NDE1: variants seen among roughly 807,000 people sequenced by gnomAD.
NDE1 encodes nudE neurodevelopment protein 1.
A neutral mutation model predicts 43.4 loss-of-function variants in NDE1; 28 were observed. The ratio of observed to expected loss-of-function variants is 0.65; its 90% CI spans 0.48 to 0.89. The LOEUF (loss-of-function observed/expected upper bound fraction) is 0.89. Among genes scored for constraint, NDE1 ranks in the 40% least tolerant of loss-of-function variants. NDE1 has a pLI of 0.00. For synonymous variants in NDE1, 184 were observed against 172.0 expected, an observed-to-expected ratio of 1.07 and a Z score of -0.55; for missense variants, 441 against 434.1, an observed-to-expected ratio of 1.02 and a Z score of -0.14.
chr16:15,718,308 C>T, intron 8 of NDE1: 1 of 1,608,398 alleles, frequency 6.2e-7, no homozygotes. Flanking sequence ...GTCCAGGCGG[C>T]CCTCACCTGC....
In NDE1 at chr16:15,718,337, C is replaced by T. The variant is rs142546324; in HGVS notation, c.948-5854C>T. On this transcript the variant is annotated intron_variant, in intron 8 of 8. Coordinates refer to ENST00000396354, the MANE Select transcript of NDE1 (RefSeq NM_017668.3). ...CACCTGCTGTGTGGCTTTGCGGACCCGGTCGCTCATGGCCTCCATGTTGCC... is the reference window on the plus strand; with the variant it reads ...CACCTGCTGTGTGGCTTTGCGGACCTGGTCGCTCATGGCCTCCATGTTGCC... 304 of 1,609,078 alleles carry T rather than the reference C, an allele frequency of 1.9e-4. No homozygotes were observed. The highest frequency in any genetic ancestry group is 2.4e-4 in the Non-Finnish European group (289 of 1,179,952).
rs886051741 is a variant in NDE1 at position 15,721,580 on chromosome 16, C to T, written c.948-2611C>T. ...TCCTTCTCCCTGGCTTCTGCCTCAGCTCTGTCCCTCTCATCCGCGTATTTG... is the reference window on the plus strand; with the variant it reads ...TCCTTCTCCCTGGCTTCTGCCTCAGTTCTGTCCCTCTCATCCGCGTATTTG... On this transcript the variant is annotated intron_variant, in intron 8 of 8. Coordinates refer to ENST00000396354, the MANE Select transcript of NDE1 (RefSeq NM_017668.3). The T allele has an allele frequency of 6.2e-7, 1 of 1,614,236 alleles. No homozygotes were observed. Among genetic ancestry groups the T allele is most frequent in the South Asian group, 1.1e-5 (1 of 91,086 alleles).
intron 8 of NDE1, among the ~76,000 whole-genome samples, chr16:15,710,444 C>T (rs2039715337): frequency 6.6e-6 from 1 of 152,162 alleles, no homozygotes; most frequent in African/African-American, 2.4e-5. Flanking sequence ...TCGCTTGAAC[C>T]TGGGAGGCAA....
At chr16:15,699,911 G>A in intron 8 of NDE1, 1 of 1,258,610 alleles carries the variant, frequency 7.9e-7, no homozygotes, top group Non-Finnish European at 1.0e-6. Flanking sequence ...TTTTAAGTTA[G>A]TTTGAGAAAT....
upstream of NDE1, among the ~76,000 whole-genome samples, chr16:15,647,156 A>G (rs746368680): frequency 6.6e-6 from 1 of 152,246 alleles, no homozygotes; most frequent in African/African-American, 2.4e-5. Context: ...GACATTTGGT[A>G]CTTTCCTTAA....
At chr16:15,682,508 G>A (rs1034571469) in intron 4 of NDE1, among the ~76,000 whole-genome samples, 6 of 151,346 alleles carry the variant, frequency 4.0e-5, no homozygotes, top group Non-Finnish European at 8.8e-5. Context: ...TCTTCTATAC[G>A]TCCCTCAAAC....
chr16:15,646,572 C>A (rs2036333353), upstream of NDE1, among the ~76,000 whole-genome samples: 1 of 149,712 alleles, frequency 6.7e-6, no homozygotes, highest in Non-Finnish European at 1.5e-5. Flanking sequence ...CAGAACGAGA[C>A]TCCGTCAAAA....
upstream of NDE1, among the ~76,000 whole-genome samples, chr16:15,647,558 C>G (rs1054615575): frequency 2.0e-5 from 3 of 152,192 alleles, no homozygotes; most frequent in Non-Finnish European, 4.4e-5. Flanking sequence ...TGACCCCTCC[C>G]AGCCCGTTGT....
chr16:15,687,569 C>G (rs2038503246), intron 5 of NDE1, 58 bp downstream of exon 5: 9 of 1,467,264 alleles, frequency 6.1e-6, no homozygotes, highest in Admixed American at 1.7e-5. Flanking sequence ...TGAGCAACAT[C>G]TTGTCCCACA....
intron 1 of NDE1, among the ~76,000 whole-genome samples, chr16:15,659,425 CTTTTTTTTTTTTT>C (rs35091023): frequency 2.9e-4 from 17 of 58,892 alleles, no homozygotes; most frequent in African/African-American, 6.4e-4. Context: ...TGCACACAAT[CTTTTTTTTTTTTT>C]TTTTTTTTTT....
At chr16:15,680,289 A>G (rs1169377389) in intron 4 of NDE1, among the ~76,000 whole-genome samples, 1 of 152,034 alleles carries the variant, frequency 6.6e-6, no homozygotes, top group Admixed American at 6.6e-5. Flanking sequence ...CTATATTCAG[A>G]ATGTGGGGGG....
chr16:15,717,056 T>C (rs1453013351), intron 8 of NDE1: 3 of 1,420,334 alleles, frequency 2.1e-6, no homozygotes, highest in African/African-American at 1.4e-5. Context: ...GAACTGATGC[T>C]GGAAGAGGTT....
chr16:15,696,688 TAA>T lies in NDE1; in HGVS notation c.796-18_796-17del, dbSNP rs750151451. The T allele has an allele frequency of 1.2e-6, 2 of 1,614,128 alleles. No homozygotes were observed. Among genetic ancestry groups the T allele is most frequent in the Non-Finnish European group, 1.7e-6 (2 of 1,180,034 alleles). ...TAGTCCTTGCCTATAACTTGAGAGA[TAA>T]AAGTGTATTTCTGTCCAGGCACTGG... On this transcript the variant is annotated intron_variant, in intron 7 of 8. Coordinates refer to ENST00000396354, the MANE Select transcript of NDE1 (RefSeq NM_017668.3).
intron 5 of NDE1, among the ~76,000 whole-genome samples, chr16:15,690,343 T>TTTTTTTTTTG: frequency 8.1e-6 from 1 of 123,490 alleles, no homozygotes; most frequent in African/African-American, 3.8e-5. Context: ...TGGCCTTTTT[T>TTTTTTTTTTG]TTTTTTTTTC....
chr16:15,663,665 A>C (rs1251482818), intron 1 of NDE1, among the ~76,000 whole-genome samples: 1 of 152,220 alleles, frequency 6.6e-6, no homozygotes, highest in Non-Finnish European at 1.5e-5. Flanking sequence ...TTTCAGGTGC[A>C]TACATATTTC....
At chr16:15,708,531 A>T (rs1325457136) in intron 8 of NDE1, among the ~76,000 whole-genome samples, 1 of 152,194 alleles carries the variant, frequency 6.6e-6, no homozygotes, top group Admixed American at 6.6e-5. Context: ...TCTCGTCAAG[A>T]TGCAGTGATA....
Position 15,724,155 on chromosome 16 carries a change from C to T in NDE1, c.948-36C>T, listed in dbSNP as rs530881888. On this transcript the variant is annotated intron_variant, in intron 8 of 8. Coordinates refer to ENST00000396354, the MANE Select transcript of NDE1 (RefSeq NM_017668.3). ...GCCAGAGTGGGGGACACCCCACGCC[C>T]TCTACCTGATCAAATTTCCTCTGCT... is the stretch of plus-strand genomic sequence containing the variant. The T allele has an allele frequency of 5.0e-6, 8 of 1,613,062 alleles. No individual in the cohort carries two copies. The highest frequency in any genetic ancestry group is 2.7e-5 in the African/African-American group (2 of 75,036).
rs530019859 is a variant in NDE1 at position 15,701,616 on chromosome 16, G to A, written c.947+4756G>A. Reference sequence around the variant, plus strand: ...GAACGTGGGATTTCCAACGCACCATGGTGTGTCCACTCATCACTGCATGTT... The same window carrying A: ...GAACGTGGGATTTCCAACGCACCATAGTGTGTCCACTCATCACTGCATGTT... On this transcript the variant is annotated intron_variant, in intron 8 of 8. Transcript: ENST00000396354. 1.4e-4 allele frequency: 21 copies of A among 152,320 alleles called. 1 individual carries two copies. The highest frequency in any genetic ancestry group is 4.6e-4 in the African/African-American group (19 of 41,574). The allele number at this position is 152,320 out of a possible 1,614,324, so 9.4% of individuals were successfully genotyped here.
At chr16:15,705,678 C>T (rs1393935808) in intron 8 of NDE1, among the ~76,000 whole-genome samples, 1 of 152,076 alleles carries the variant, frequency 6.6e-6, no homozygotes, top group Non-Finnish European at 1.5e-5. Flanking sequence ...GTGACCAATT[C>T]TTTAGTCAAA....
Sources: allele counts gnomAD v4.1 joint callset (sites outside exome capture counted in the v4.1 genomes callset), GRCh38; gene constraint gnomAD v4.1.1; transcripts MANE v1.5; gene names NCBI Gene and HGNC (gene_info 2026-07-23, HGNC 2026-07-21).